The following RASEF variants were observed in gnomAD, a reference collection of about 807,000 sequenced individuals.
The protein encoded by RASEF is ras and EF-hand domain-containing protein.
A neutral mutation model predicts 90.1 loss-of-function variants in RASEF; 68 were observed. That is an observed-to-expected ratio of 0.75 (90% CI 0.62 to 0.92). The LOEUF (loss-of-function observed/expected upper bound fraction) is 0.92. Among genes scored for constraint, RASEF ranks in the 40% least tolerant of loss-of-function variants. The pLI is 0.00. For missense variants in RASEF, 949 were observed against 937.2 expected, an observed-to-expected ratio of 1.01 and a Z score of -0.16; for synonymous variants, 331 against 345.2, an observed-to-expected ratio of 0.96 and a Z score of 0.46.
chr9:83,099,185 G>T, the RASEF span, among the ~76,000 whole-genome samples: 2 of 152,036 alleles, frequency 1.3e-5, no homozygotes, highest in African/African-American at 4.8e-5. Context: ...GTTATAGTCT[G>T]ATTTAAGTGC....
At chr9:83,073,957 C>T in the RASEF span, among the ~76,000 whole-genome samples, 2 of 152,162 alleles carry the variant, frequency 1.3e-5, no homozygotes, top group African/African-American at 4.8e-5. Context: ...GCTTCACATA[C>T]AATTATTTCT....
At chr9:83,208,472 C>T in the RASEF span, among the ~76,000 whole-genome samples, 1 of 152,196 alleles carries the variant, frequency 6.6e-6, no homozygotes, top group East Asian at 1.9e-4. Context: ...TCTGCCCAGT[C>T]TCCTCTAAAA....
At chr9:83,049,324 A>C in intron 1 of RASEF, 1 of 985,302 alleles carries the variant, frequency 1.0e-6, no homozygotes, top group Non-Finnish European at 1.2e-6. Context: ...CCTGACGGGG[A>C]TGCAGTTTTC....
At chr9:83,017,777 T>C (rs1814174080) in intron 3 of RASEF, among the ~76,000 whole-genome samples, 2 of 152,172 alleles carry the variant, frequency 1.3e-5, no homozygotes, top group African/African-American at 4.8e-5. Context: ...CTCTTCCACA[T>C]ATGAATGCAA....
chr9:83,053,709 T>C (rs1031505966), intron 1 of RASEF, among the ~76,000 whole-genome samples: 32 of 147,824 alleles, frequency 2.2e-4, no homozygotes, highest in African/African-American at 8.5e-4. Flanking sequence ...TGTTTAGCAC[T>C]TCCTTCAGGA....
the RASEF span, among the ~76,000 whole-genome samples, chr9:83,070,399 A>G: frequency 6.6e-6 from 1 of 152,086 alleles, no homozygotes; most frequent in African/African-American, 2.4e-5. Context: ...TCCCTGTTGA[A>G]TCACCTTTGT....
At chr9:83,143,665 G>T in the RASEF span, among the ~76,000 whole-genome samples, 1 of 152,104 alleles carries the variant, frequency 6.6e-6, no homozygotes, top group Non-Finnish European at 1.5e-5. Flanking sequence ...AACAGATGCT[G>T]GCAAGGCTGT....
At chr9:83,079,457 T>C in the RASEF span, among the ~76,000 whole-genome samples, 1 of 152,270 alleles carries the variant, frequency 6.6e-6, no homozygotes, top group African/African-American at 2.4e-5. Flanking sequence ...CCTTGTAGTA[T>C]AGTTTGAAGT....
the RASEF span, among the ~76,000 whole-genome samples, chr9:83,100,367 T>A: frequency 6.6e-6 from 1 of 152,184 alleles, no homozygotes; most frequent in Admixed American, 6.5e-5. Flanking sequence ...ACTGAACTCA[T>A]AAAATTTTTC....
At chr9:83,056,933 A>G (rs1489181162) in intron 1 of RASEF, among the ~76,000 whole-genome samples, 1 of 152,244 alleles carries the variant, frequency 6.6e-6, no homozygotes, top group African/African-American at 2.4e-5. Flanking sequence ...AGAGCCTTCT[A>G]AGGACTAGAA....
chr9:83,025,934 T>C lies in RASEF; in HGVS notation c.432-13A>G. 10 of 1,550,786 alleles carry C rather than the reference T, an allele frequency of 6.4e-6. No homozygotes were observed. The highest frequency in any genetic ancestry group is 8.7e-6 in the Non-Finnish European group (10 of 1,152,728). ...AACTTGCTCTTCTCTGCCAAATAAA[T>C]AAATAAAAATTAAACCAATTATAAA... On this transcript the variant is annotated splice_polypyrimidine_tract_variant and intron_variant, in intron 1 of 16. Transcript: ENST00000376447.
chr9:83,013,141 G>C (rs762148466), intron 4 of RASEF, among the ~76,000 whole-genome samples: 16 of 152,130 alleles, frequency 1.1e-4, no homozygotes, highest in East Asian at 1.9e-4. Context: ...CATTTCTATT[G>C]CAACTACAAA....
chr9:83,025,979 A>AG lies in RASEF; in HGVS notation c.432-59dup, dbSNP rs1829541235. On this transcript the variant is annotated intron_variant, in intron 1 of 16. Coordinates refer to ENST00000376447, the MANE Select transcript of RASEF (RefSeq NM_152573.4). ...TATAAAATTTTAAAGGCAACTCTGC[A>AG]GGGGGCTTTTAAGAAAGAGAAACAT... The AG allele has an allele frequency of 2.4e-6, 3 of 1,274,028 alleles. No individual in the cohort carries two copies. The African/African-American group carries it at 4.6e-5, about 20-fold the overall frequency. 78.9% of individuals were successfully genotyped at this position (1,274,028 alleles called of 1,614,324 possible).
At chr9:83,023,162 A>G (rs1829473809) in intron 2 of RASEF, among the ~76,000 whole-genome samples, 1 of 152,210 alleles carries the variant, frequency 6.6e-6, no homozygotes, top group Admixed American at 6.5e-5. Context: ...TTCACTATAT[A>G]AAACTCACAA....
chr9:83,127,796 C>A, the RASEF span, among the ~76,000 whole-genome samples: 1 of 152,122 alleles, frequency 6.6e-6, no homozygotes, highest in East Asian at 1.9e-4. Context: ...TACCAAGATG[C>A]ATACCCCAGA....
chr9:83,149,943 T>A, the RASEF span, among the ~76,000 whole-genome samples: 3 of 152,118 alleles, frequency 2.0e-5, no homozygotes, highest in Non-Finnish European at 4.4e-5. Context: ...TCAGACTGCA[T>A]AGGTTTAAGG....
chr9:83,059,592 T>G lies in RASEF; in HGVS notation c.431+2845A>C, dbSNP rs546185771. On this transcript the variant is annotated intron_variant, in intron 1 of 16. Coordinates refer to ENST00000376447, the MANE Select transcript of RASEF (RefSeq NM_152573.4). The stretch of plus-strand genomic sequence containing the variant: ...TGGCAAGGCTACATTATAAGTTGGC[T>G]CTCTGCCCTGCCCCTCCACCCTCAA... Among the ~76,000 whole-genome samples the G allele has an allele frequency of 3.3e-5, 5 of 152,224 alleles. No homozygotes were observed. In the South Asian group the frequency reaches 1.0e-3, roughly 32 times the overall value.
intron 16 of RASEF, among the ~76,000 whole-genome samples, chr9:82,988,157 A>T (rs1828743855): frequency 6.6e-6 from 1 of 152,212 alleles, no homozygotes; most frequent in South Asian, 2.1e-4. Flanking sequence ...AAAACCTGAC[A>T]ATCCAACAGT....
At chr9:83,160,243 G>C in the RASEF span, among the ~76,000 whole-genome samples, 7 of 152,084 alleles carry the variant, frequency 4.6e-5, no homozygotes, top group Non-Finnish European at 1.0e-4. Flanking sequence ...GAAAAATGGG[G>C]GAAAGTTTGG....
Sources: gnomAD v4.1 joint callset for allele counts (sites outside exome capture counted in the v4.1 genomes callset) on GRCh38, gnomAD v4.1.1 for gene constraint, MANE v1.5 for transcripts, NCBI Gene and HGNC (gene_info 2026-07-23, HGNC 2026-07-21) for gene names.